Variants in RCOR1 observed in about 807,000 individuals in gnomAD.
RCOR1 encodes the protein REST corepressor 1.
A neutral mutation model predicts 64.0 loss-of-function variants in RCOR1; 12 were observed. The ratio of observed to expected loss-of-function variants is 0.19; its 90% CI spans 0.12 to 0.30. The LOEUF (loss-of-function observed/expected upper bound fraction) is 0.30. Ranked by LOEUF, RCOR1 falls within the 10% of genes least tolerant of loss-of-function variation. RCOR1 has a pLI of 1.00. For synonymous variants in RCOR1, 279 were observed against 227.2 expected, an observed-to-expected ratio of 1.23 and a Z score of -2.05; for missense variants, 502 against 621.2, an observed-to-expected ratio of 0.81 and a Z score of 2.04.
At chr14:102,660,055 C>T (rs1894800415) in intron 2 of RCOR1, among the ~76,000 whole-genome samples, 1 of 152,152 alleles carries the variant, frequency 6.6e-6, no homozygotes, top group Non-Finnish European at 1.5e-5. Context: ...AATTCTGTCA[C>T]TATGAGGTAG....
intron 3 of RCOR1, among the ~76,000 whole-genome samples, chr14:102,692,793 T>C (rs1895565086): frequency 6.8e-6 from 1 of 146,322 alleles, no homozygotes; most frequent in South Asian, 2.2e-4. Context: ...TTTGAGACAG[T>C]CTTGCTCTGT....
rs3069199 is a variant in RCOR1 at position 102,627,960 on chromosome 14, G to GGTGTGTGT, written c.361+34650_361+34657dup. On this transcript the variant is annotated intron_variant, in intron 2 of 11. Transcript: ENST00000262241. Reference sequence around the variant, plus strand: ...TTTATATATGCATAAATTTAAAAGGGGTGTGTGTGTGTGTGTGTGTGTAAA... The same window carrying GGTGTGTGT: ...TTTATATATGCATAAATTTAAAAGGGGTGTGTGTGTGTGTGTGTGTGTGTGTGTGTAAA... 6.1e-3 allele frequency among the ~76,000 whole-genome samples: 913 copies of GGTGTGTGT among 149,068 alleles called. 11 individuals carry two copies. The highest frequency in any genetic ancestry group is 0.021 in the African/African-American group (870 of 40,766).
rs754822465 is a variant in RCOR1 at position 102,623,376 on chromosome 14, TTTATTTATTTA to T, written c.361+30065_361+30075del. 1.5e-3 allele frequency among the ~76,000 whole-genome samples: 206 copies of T among 133,578 alleles called. 1 individual carries two copies. The highest frequency in any genetic ancestry group is 5.2e-3 in the African/African-American group (159 of 30,702). The allele number at this position is 133,578 out of a possible 152,430, so 87.6% of individuals were successfully genotyped here. A position where few individuals can be genotyped will look rare whatever the true frequency, so the allele number is the denominator to read the frequency against. On this transcript the variant is annotated intron_variant, in intron 2 of 11. Transcript: ENST00000262241. ...ATCCTAGAGATAACAATTTACTTCC[TTTATTTATTTA>T]TTATTTATTTATTTATTTATTTATT...
At chr14:102,606,924 T>C (rs1169107468) in intron 2 of RCOR1, among the ~76,000 whole-genome samples, 1 of 139,740 alleles carries the variant, frequency 7.2e-6, no homozygotes, top group East Asian at 2.1e-4. Flanking sequence ...TTTTTTTGGG[T>C]TTTGTGTTAG....
chr14:102,685,826 G>A (rs889562925), intron 3 of RCOR1, among the ~76,000 whole-genome samples: 4 of 152,178 alleles, frequency 2.6e-5, no homozygotes, highest in Middle Eastern at 6.8e-3. Flanking sequence ...AGCTGGGTGC[G>A]TGGCATGTGC....
At chr14:102,658,312 G>T (rs1346072692) in intron 2 of RCOR1, among the ~76,000 whole-genome samples, 4 of 151,836 alleles carry the variant, frequency 2.6e-5, no homozygotes, top group Non-Finnish European at 4.4e-5. Flanking sequence ...AGGTGCGGTG[G>T]CTTTAATCCA....
intron 2 of RCOR1, among the ~76,000 whole-genome samples, chr14:102,625,888 ACAC>A (rs748215224): frequency 2.0e-5 from 3 of 152,108 alleles, no homozygotes; most frequent in Non-Finnish European, 1.5e-5. Flanking sequence ...CATAGGTTGA[ACAC>A]AACAACACAG....
At chr14:102,668,125 T>G (rs561025576) in intron 2 of RCOR1, among the ~76,000 whole-genome samples, 5 of 152,188 alleles carry the variant, frequency 3.3e-5, no homozygotes, top group Non-Finnish European at 7.3e-5. Flanking sequence ...AGGTCAACTT[T>G]TGTTAAAATC....
At chr14:102,597,161 C>T (rs1006276512) in intron 2 of RCOR1, among the ~76,000 whole-genome samples, 8 of 152,110 alleles carry the variant, frequency 5.3e-5, no homozygotes, top group Admixed American at 5.2e-4. Flanking sequence ...GCGTGAGCCA[C>T]CATGCCCTGT....
At chr14:102,725,559 C>T (rs1896242331) in intron 11 of RCOR1, among the ~76,000 whole-genome samples, 1 of 151,966 alleles carries the variant, frequency 6.6e-6, no homozygotes, top group Admixed American at 6.6e-5. Flanking sequence ...GCTTATATGC[C>T]CTTTTCAGGT....
chr14:102,642,703 G>A (rs1894393705), intron 2 of RCOR1, among the ~76,000 whole-genome samples: 1 of 152,108 alleles, frequency 6.6e-6, no homozygotes, highest in South Asian at 2.1e-4. Context: ...GGGTATGGTG[G>A]CACATGCCTA....
intron 11 of RCOR1, among the ~76,000 whole-genome samples, chr14:102,722,625 T>A (rs1190157466): frequency 6.6e-6 from 1 of 152,214 alleles, no homozygotes; most frequent in Non-Finnish European, 1.5e-5. Context: ...TCTGGGCAAA[T>A]CCTGAATTAC....
chr14:102,705,601 A>C (rs1364923124), intron 4 of RCOR1, among the ~76,000 whole-genome samples: 2 of 151,926 alleles, frequency 1.3e-5, no homozygotes, highest in Non-Finnish European at 2.9e-5. Flanking sequence ...GGCGCGCACC[A>C]CCATGCCTGG....
intron 3 of RCOR1, among the ~76,000 whole-genome samples, chr14:102,697,375 T>G (rs1895670802): frequency 6.6e-6 from 1 of 152,208 alleles, no homozygotes; most frequent in Non-Finnish European, 1.5e-5. Flanking sequence ...ACCCGGGTCT[T>G]TCTTACCCTG....
rs962821822 is a variant in RCOR1, at chr14:102,726,916, C to T, written c.*410C>T. 1 of 186,868 alleles carries T rather than the reference C, an allele frequency of 5.4e-6. No individual in the cohort carries two copies. Among genetic ancestry groups the T allele is most frequent in the Non-Finnish European group, 1.1e-5 (1 of 91,766 alleles). 11.6% of individuals were successfully genotyped at this position (186,868 alleles called of 1,614,324 possible). Reference sequence around the variant, plus strand: ...GCAGTTTCTACTTTGTGCATAGAGTCATTTTCAGAGTCACCGCGACCCTGT... The same window carrying T: ...GCAGTTTCTACTTTGTGCATAGAGTTATTTTCAGAGTCACCGCGACCCTGT... On this transcript the variant is annotated 3_prime_UTR_variant, in exon 12 of 12. Coordinates refer to ENST00000262241, the MANE Select transcript of RCOR1 (RefSeq NM_015156.4).
In RCOR1 at chr14:102,722,743, A is replaced by G. The variant is rs924929971; in HGVS notation, c.1419+327A>G. Reference sequence around the variant, plus strand: ...GGGAGTGGGGGCATAAACAAAAAGTAAAAATGCAGTGAAAGCTGTCCTGTC... The same window carrying G: ...GGGAGTGGGGGCATAAACAAAAAGTGAAAATGCAGTGAAAGCTGTCCTGTC... On this transcript the variant is annotated intron_variant, in intron 11 of 11. Coordinates refer to ENST00000262241, the MANE Select transcript of RCOR1 (RefSeq NM_015156.4). Among the ~76,000 whole-genome samples, 7 of 152,366 alleles carry G rather than the reference A, an allele frequency of 4.6e-5. No homozygotes were observed. The East Asian group carries it at 1.2e-3, about 25-fold the overall frequency.
intron 2 of RCOR1, among the ~76,000 whole-genome samples, chr14:102,634,618 A>G (rs1280057082): frequency 2.0e-5 from 3 of 150,424 alleles, no homozygotes; most frequent in African/African-American, 4.9e-5. Flanking sequence ...GTGTGTATGT[A>G]TGTGTGTGTG....
At chr14:102,647,265 A>G (rs906064756) in intron 2 of RCOR1, among the ~76,000 whole-genome samples, 1 of 152,234 alleles carries the variant, frequency 6.6e-6, no homozygotes, top group Non-Finnish European at 1.5e-5. Context: ...ACTAGAATCT[A>G]GGTGACAGTG....
chr14:102,643,447 A>C (rs1162864783), intron 2 of RCOR1: 4 of 365,472 alleles, frequency 1.1e-5, no homozygotes, highest in Non-Finnish European at 1.5e-5. Flanking sequence ...AGAAACTGAA[A>C]TAATAGATTA....
Sources: allele counts gnomAD v4.1 joint callset (sites outside exome capture counted in the v4.1 genomes callset), GRCh38; gene constraint gnomAD v4.1.1; transcripts MANE v1.5; gene names NCBI Gene and HGNC (gene_info 2026-07-23, HGNC 2026-07-21).